The following CCDC74A variants were observed in gnomAD, a reference collection of about 807,000 sequenced individuals.
CCDC74A encodes coiled-coil domain-containing protein 74A.
In CCDC74A, 38 loss-of-function variants were observed where a neutral mutation model predicts 37.6. The observed-to-expected ratio is 1.01, with a 90% CI of 0.78 to 1.33. The LOEUF is 1.33. Ranked by LOEUF, CCDC74A falls within the 40% of genes most tolerant of loss-of-function variation. The pLI is 0.00. For missense variants in CCDC74A, 340 were observed against 403.4 expected (o/e 0.84, Z 1.35); for synonymous variants, 134 against 165.2 (o/e 0.81, Z 1.45).
At position 131,528,027 on chromosome 2, in the gene CCDC74A, C is replaced by G; in HGVS notation, c.57C>G (p.Gly19=). 1 of 1,490,712 alleles carries G rather than the reference C, an allele frequency of 6.7e-7. No individual in the cohort carries two copies. The highest frequency in any genetic ancestry group is 8.9e-7 in the Non-Finnish European group (1 of 1,123,016). The allele number at this position is 1,490,712 out of a possible 1,614,324, so 92.3% of individuals were successfully genotyped here. ...GTRPPSSPTP[G]SRRRRQRPSV... is the part of the protein sequence containing the mutation. The stretch of plus-strand genomic sequence containing the variant: ...GGCCCCCCAGCTCGCCGACCCCGGG[C>G]TCTCGGCGCCGGCGCCAGCGCCCCT... Residue 19 remains glycine, a synonymous_variant, in exon 1 of 8, where the codon GGC becomes GGG. Transcript: ENST00000409856.
chr2:131,525,950 C>T (rs552486828), upstream of CCDC74A, among the ~76,000 whole-genome samples: 1 of 150,334 alleles, frequency 6.7e-6, no homozygotes, highest in East Asian at 2.0e-4. Context: ...GATCTCCTGA[C>T]CTCGTGATCC....
Position 131,528,797 on chromosome 2 carries a change from C to T in CCDC74A, c.250+577C>T, listed in dbSNP as rs1340091803. Among the ~76,000 whole-genome samples, 2 of 152,148 alleles carry T rather than the reference C, an allele frequency of 1.3e-5. 1 individual carries two copies. Among genetic ancestry groups the T allele is most frequent in the South Asian group, 4.1e-4 (2 of 4,830 alleles). ...CTGCACTCCAGCCTCGGTGACAGAG[C>T]GAGACTCCGTCTCAAAAAAACAAAA... On this transcript the variant is annotated intron_variant, in intron 1 of 7. Coordinates refer to ENST00000409856, the MANE Select transcript of CCDC74A (RefSeq NM_001258306.3).
At position 131,528,066 on chromosome 2, in the gene CCDC74A, G is replaced by C; in HGVS notation, c.96G>C (p.Gln32His). ...GCCAGCGCCCCTCTGTGGGCGTCCA[G>C]TCCTTGAGGCCGCAGAGCCCGCAGC... ...RRRQRPSVGV[Q>H]SLRPQSPQLR... The change falls in exon 1 of 8, where the codon CAG (glutamine) becomes CAC (histidine). Residue 32 changes from glutamine (Q) to histidine (H), a missense_variant. By Grantham distance (24) the Gln-to-His change is conservative. Around this residue, in one of 3 missense-constraint regions of CCDC74A, gnomAD observed 154 missense variants for 153.9 expected, o/e 1.00. Transcript: ENST00000409856. 6.2e-7 allele frequency: 1 copy of C among 1,602,864 alleles called. No homozygotes were observed. Among genetic ancestry groups the C allele is most frequent in the Non-Finnish European group, 8.5e-7 (1 of 1,175,884 alleles).
upstream of CCDC74A, among the ~76,000 whole-genome samples, chr2:131,526,123 C>T (rs549472824): frequency 1.0e-4 from 15 of 148,708 alleles, no homozygotes; most frequent in African/African-American, 3.4e-4. Flanking sequence ...GCCAACTTCT[C>T]GCATTTTCTT....
chr2:131,532,009 C>T (rs1237881848), intron 4 of CCDC74A, among the ~76,000 whole-genome samples: 1 of 150,148 alleles, frequency 6.7e-6, no homozygotes, highest in Non-Finnish European at 1.5e-5. Flanking sequence ...CCTCCCTTCC[C>T]CTGGGGGTCC....
At chr2:131,531,069 G>A (rs559018753) in intron 3 of CCDC74A, among the ~76,000 whole-genome samples, 121 of 152,256 alleles carry the variant, frequency 7.9e-4, no homozygotes, top group Non-Finnish European at 1.6e-3. Flanking sequence ...ACCCCAGGGC[G>A]GGGCAGCAAG....
In CCDC74A at chr2:131,533,077, C is replaced by T. The variant is rs570585026; in HGVS notation, c.809+8C>T. On this transcript the variant is annotated splice_region_variant and intron_variant, in intron 7 of 7. Coordinates refer to ENST00000409856, the MANE Select transcript of CCDC74A (RefSeq NM_001258306.3). The stretch of plus-strand genomic sequence containing the variant: ...GAGCCTCTCCAAGAAATGGTAAGTC[C>T]CACAGGCATGGGGACAGTGGGGCAG... The T allele has an allele frequency of 1.2e-6, 2 of 1,613,804 alleles. No homozygotes were observed. Among genetic ancestry groups the T allele is most frequent in the Admixed American group, 1.7e-5 (1 of 60,010 alleles).
At chr2:131,526,916 G>A (rs1354769436), upstream of CCDC74A, among the ~76,000 whole-genome samples, 1 of 151,890 alleles carries the variant, frequency 6.6e-6, no homozygotes, top group African/African-American at 2.4e-5. Context: ...CAGGAGCCCC[G>A]CTGATGTGGC....
At chr2:131,533,244 G>T in intron 7 of CCDC74A, 25 bp from the exon 8 acceptor site, 1 of 1,611,948 alleles carries the variant, frequency 6.2e-7, no homozygotes, top group Non-Finnish European at 8.5e-7. Context: ...GATGCTCACG[G>T]TGACAGTCCC....
chr2:131,528,003 G>A lies in CCDC74A; in HGVS notation c.33G>A (p.Arg11=). The A allele has an allele frequency of 6.8e-7, 1 of 1,463,950 alleles. No individual in the cohort carries two copies. Among genetic ancestry groups the A allele is most frequent in the East Asian group, 2.5e-5 (1 of 40,472 alleles). The allele number at this position is 1,463,950 out of a possible 1,614,324, so 90.7% of individuals were successfully genotyped here. A position where few individuals can be genotyped will look rare whatever the true frequency, so the allele number is the denominator to read the frequency against. Residue 11 remains arginine, a synonymous_variant, in exon 1 of 8, where the codon CGG becomes CGA. Coordinates refer to ENST00000409856, the MANE Select transcript of CCDC74A (RefSeq NM_001258306.3). MSGAGVAAGT[R]PPSSPTPGSR... ...GTGCGGGGGTGGCGGCTGGGACGCG[G>A]CCCCCCAGCTCGCCGACCCCGGGCT...
At chr2:131,522,692 G>C (rs368474724), upstream of CCDC74A, among the ~76,000 whole-genome samples, 2 of 152,036 alleles carry the variant, frequency 1.3e-5, no homozygotes, top group Non-Finnish European at 2.9e-5. Flanking sequence ...GATCCCATTC[G>C]TGGCCCACTC....
chr2:131,525,859 C>T (rs1236096392), upstream of CCDC74A, among the ~76,000 whole-genome samples: 2 of 151,772 alleles, frequency 1.3e-5, no homozygotes, highest in African/African-American at 4.8e-5. Flanking sequence ...GCTGGGACCA[C>T]AGGCGCCCAC....
At position 131,532,633 on chromosome 2, in the gene CCDC74A, G is replaced by T; in HGVS notation, c.530G>T (p.Gly177Val). 1 of 1,609,494 alleles carries T rather than the reference G, an allele frequency of 6.2e-7. No individual in the cohort carries two copies. The part of the protein sequence containing the change: ...EASNAGAACM[G>V]NSQHQGRQMG... ...TCTAATGCAGGAGCTGCCTGTATGG[G>T]GAACAGCCAGCACCAGGGCAGGCAG... Residue 177 changes from glycine to valine, a missense_variant, in exon 5 of 8, where the codon GGG (glycine) becomes GTG (valine). Gly to Val is a moderately radical substitution (Grantham distance 109, BLOSUM62 -3). Around this residue, in one of 3 missense-constraint regions of CCDC74A, gnomAD observed 185 missense variants for 231.5 expected, o/e 0.80. Transcript: ENST00000409856.
chr2:131,530,879 C>T (rs750357154), intron 3 of CCDC74A, 52 bp downstream of exon 3: 12 of 1,598,110 alleles, frequency 7.5e-6, no homozygotes, highest in Non-Finnish European at 1.0e-5. Context: ...CCACGGGGAC[C>T]CCAGCCTGGG....
At position 131,532,770 on chromosome 2, in the gene CCDC74A, C is replaced by A. The variant is rs144849829; in HGVS notation, c.667C>A (p.Gln223Lys). 129 of 1,613,560 alleles carry A rather than the reference C, an allele frequency of 8.0e-5. 1 individual carries two copies. In the African/African-American group the frequency reaches 1.5e-3, roughly 19 times the overall value. The change falls in exon 5 of 8, where the codon CAG (glutamine) becomes AAG (lysine). Residue 223 changes from glutamine to lysine, a missense_variant. By Grantham distance (53) the Gln-to-Lys change is moderately conservative. Around this residue, in one of 3 missense-constraint regions of CCDC74A, gnomAD observed 185 missense variants for 231.5 expected, o/e 0.80. Transcript: ENST00000409856. The part of the protein sequence containing the change: ...IRELWNTNLL[Q>K]TQELRHLKSL... ...CGAGCTGTGGAATACCAACCTCCTG[C>A]AGACCCAAGAGGTGAGGCCCTGGGT... is the stretch of plus-strand genomic sequence containing the variant.
chr2:131,529,687 G>A lies in CCDC74A; in HGVS notation c.291G>A (p.Lys97=), dbSNP rs1352794418. The part of the protein sequence containing the change: ...YKLIMNQTSQ[K]KDSLSMSSFQ... ...TCATAATGAATCAGACATCACAGAA[G>A]AAAGGTGAGAACTGGGCCCTTCAGT... Residue 97 remains lysine, a synonymous_variant, in exon 2 of 8, where the codon AAG becomes AAA. Transcript: ENST00000409856. 4.3e-6 allele frequency: 7 copies of A among 1,613,902 alleles called. No homozygotes were observed. The highest frequency in any genetic ancestry group is 2.7e-5 in the African/African-American group (2 of 74,942).
upstream of CCDC74A, among the ~76,000 whole-genome samples, chr2:131,525,347 T>C (rs1278100883): frequency 6.6e-6 from 1 of 151,952 alleles, no homozygotes; most frequent in Non-Finnish European, 1.5e-5. Flanking sequence ...GCCTTCTCAG[T>C]AGCTGGGACT....
upstream of CCDC74A, among the ~76,000 whole-genome samples, chr2:131,523,309 A>G (rs191303028): frequency 3.3e-5 from 5 of 152,290 alleles, no homozygotes; most frequent in Admixed American, 3.3e-4. Context: ...GTGCCGAAAT[A>G]TATCTAATTA....
intron 3 of CCDC74A, 74 bp downstream of exon 3, chr2:131,530,901 G>A (rs1681170288): frequency 1.9e-6 from 3 of 1,577,992 alleles, no homozygotes; most frequent in South Asian, 2.3e-5. Context: ...GGCCTCTAGG[G>A]GTGCTGACCA....
Sources: allele counts gnomAD v4.1 joint callset (sites outside exome capture counted in the v4.1 genomes callset), GRCh38; gene constraint gnomAD v4.1.1; regional missense constraint gnomAD v4.1.1; transcripts MANE v1.5; gene names NCBI Gene and HGNC (gene_info 2026-07-23, HGNC 2026-07-21).